Variants in CDS2 observed in about 807,000 individuals in gnomAD.
CDS2 encodes CDP-diacylglycerol synthase 2.
CDS2 carries 47 observed loss-of-function variants against 59.0 expected under a neutral mutation model. That is an observed-to-expected ratio of 0.80 (90% CI 0.63 to 1.02). The LOEUF (loss-of-function observed/expected upper bound fraction) is 1.02, where lower values mean the gene tolerates loss of function less well. Ranked by LOEUF, CDS2 falls within the 50% of genes least tolerant of loss-of-function variation. The pLI, the probability that CDS2 is intolerant of heterozygous loss-of-function variation, is 0.00. For synonymous variants in CDS2, 207 were observed against 206.4 expected, an observed-to-expected ratio of 1.00 and a Z score of -0.02; for missense variants, 356 against 558.9, an observed-to-expected ratio of 0.64 and a Z score of 3.66.
At chr20:5,135,191 C>G (rs1011011907) in intron 1 of CDS2, among the ~76,000 whole-genome samples, 1 of 152,162 alleles carries the variant, frequency 6.6e-6, no homozygotes, top group Non-Finnish European at 1.5e-5. Flanking sequence ...CTCGGCCTCT[C>G]AAAGGGCTGG....
At chr20:5,160,497 A>G (rs1253241618) in intron 1 of CDS2, among the ~76,000 whole-genome samples, 1 of 152,190 alleles carries the variant, frequency 6.6e-6, no homozygotes, top group Non-Finnish European at 1.5e-5. Context: ...ATTGTCCAGT[A>G]TAGTAGCCAC....
At chr20:5,178,619 G>GT (rs1465924281) in intron 4 of CDS2, among the ~76,000 whole-genome samples, 198 bp from the exon 5 acceptor site, 1 of 152,060 alleles carries the variant, frequency 6.6e-6, no homozygotes, top group African/African-American at 2.4e-5. Flanking sequence ...GCTGCTGTCT[G>GT]TTTCTAGATA....
chr20:5,136,159 C>A (rs1209920036), intron 1 of CDS2, among the ~76,000 whole-genome samples: 1 of 152,170 alleles, frequency 6.6e-6, no homozygotes, highest in Non-Finnish European at 1.5e-5. Context: ...AGCCATATCT[C>A]CACAGTCCAT....
chr20:5,178,322 A>G (rs983841867), intron 4 of CDS2, among the ~76,000 whole-genome samples: 1 of 152,252 alleles, frequency 6.6e-6, no homozygotes, highest in African/African-American at 2.4e-5. Flanking sequence ...AGTTTTATGA[A>G]TAAAATGGCA....
At chr20:5,156,248 G>C (rs1384270896) in intron 1 of CDS2, among the ~76,000 whole-genome samples, 1 of 152,166 alleles carries the variant, frequency 6.6e-6, no homozygotes, top group Non-Finnish European at 1.5e-5. Flanking sequence ...GAGGAGGTGT[G>C]TAGGGTAGGG....
At chr20:5,143,611 TTTC>T (rs573730329) in intron 1 of CDS2, among the ~76,000 whole-genome samples, 117 of 150,946 alleles carry the variant, frequency 7.8e-4, no homozygotes, top group African/African-American at 1.4e-3. Flanking sequence ...TCTTTTTCTT[TTTC>T]TTCTTCTTCT....
chr20:5,173,743 GGTCTTGCAGAGCAGGCCCGCT>G (rs1253679508), intron 2 of CDS2, 84 bp downstream of exon 2: 1 of 1,537,364 alleles, frequency 6.5e-7, no homozygotes, highest in Admixed American at 1.7e-5. Context: ...GAGAGCCCGT[GGTCTTGCAGAGCAGGCCCGCT>G]GTCTTGCCTC....
intron 1 of CDS2, among the ~76,000 whole-genome samples, chr20:5,151,677 G>C (rs2090790736): frequency 6.7e-6 from 1 of 148,826 alleles, no homozygotes; most frequent in Non-Finnish European, 1.5e-5. Context: ...GCCTCAAGCA[G>C]TCCTTCTGTC....
intron 1 of CDS2, among the ~76,000 whole-genome samples, chr20:5,158,942 T>C (rs2090854795): frequency 6.6e-6 from 1 of 152,224 alleles, no homozygotes; most frequent in Admixed American, 6.5e-5. Flanking sequence ...TCCTTCACGC[T>C]GTTATCTCAG....
chr20:5,176,616 T>C, intron 3 of CDS2, 32 bp from the exon 4 acceptor site: 2 of 1,525,584 alleles, frequency 1.3e-6, no homozygotes, highest in Non-Finnish European at 1.8e-6. Context: ...TCATAAGAAT[T>C]GGGGTGTCAG....
chr20:5,165,078 G>A (rs2090903897), intron 1 of CDS2, among the ~76,000 whole-genome samples: 1 of 152,194 alleles, frequency 6.6e-6, no homozygotes, highest in African/African-American at 2.4e-5. Flanking sequence ...GTATGAGACT[G>A]GCAGTCATGC....
chr20:5,171,336 G>A (rs2090954637), intron 1 of CDS2, among the ~76,000 whole-genome samples: 2 of 152,140 alleles, frequency 1.3e-5, no homozygotes, highest in African/African-American at 2.4e-5. Flanking sequence ...ACCTTGTGCC[G>A]GGCTTTCTGT....
At position 5,153,784 on chromosome 20, in the gene CDS2, A is replaced by G. The variant is rs530091543; in HGVS notation, c.58-19739A>G. On this transcript the variant is annotated intron_variant, in intron 1 of 12. Coordinates refer to ENST00000460006, the MANE Select transcript of CDS2 (RefSeq NM_003818.4). ...GTTTACAAGATTGATATTCATTATT[A>G]ATGTAGCTTTAGTGAGTTCCTGATC... Among the ~76,000 whole-genome samples the G allele has an allele frequency of 3.6e-4, 55 of 152,252 alleles. 1 individual carries two copies. The South Asian group carries it at 0.011, about 32-fold the overall frequency.
intron 9 of CDS2, 70 bp from the exon 10 acceptor site, chr20:5,186,617 C>T (rs2091069762): frequency 1.3e-6 from 2 of 1,552,410 alleles, no homozygotes; most frequent in South Asian, 1.2e-5. Flanking sequence ...ATGGCCAAAC[C>T]AGGTGCCTGT....
chr20:5,178,058 G>A (rs2091007121), intron 4 of CDS2, among the ~76,000 whole-genome samples: 1 of 152,208 alleles, frequency 6.6e-6, no homozygotes, highest in Non-Finnish European at 1.5e-5. Flanking sequence ...TCCTTGCTGG[G>A]GGTTTGCAGT....
chr20:5,152,540 G>A (rs536424083), intron 1 of CDS2, among the ~76,000 whole-genome samples: 2 of 152,224 alleles, frequency 1.3e-5, no homozygotes, highest in East Asian at 1.9e-4. Flanking sequence ...TCAGGAGTTC[G>A]AGACCAGCCT....
chr20:5,186,703 C>T lies in CDS2; in HGVS notation c.845C>T (p.Ser282Phe). The change falls in exon 10 of 13, where the codon TCC becomes TTC. Residue 282 changes from serine (S) to phenylalanine (F), a missense_variant. Transcript: ENST00000460006. The part of the protein sequence containing the change: ...VFGLLLSYVM[S>F]GYRCFVCPVE... ...CCTCCTCAGCTGTCCTATGTGATGT[C>T]CGGGTACAGATGCTTTGTCTGCCCT... The T allele has an allele frequency of 6.2e-7, 1 of 1,614,062 alleles. No individual in the cohort carries two copies. The highest frequency in any genetic ancestry group is 1.1e-5 in the South Asian group (1 of 91,078).
At chr20:5,149,092 C>T (rs1354634092) in intron 1 of CDS2, among the ~76,000 whole-genome samples, 1 of 152,034 alleles carries the variant, frequency 6.6e-6, no homozygotes, top group Non-Finnish European at 1.5e-5. Context: ...CTCACTATAG[C>T]CCTGACCTCC....
chr20:5,136,376 G>C (rs747811706), intron 1 of CDS2, among the ~76,000 whole-genome samples: 5 of 152,156 alleles, frequency 3.3e-5, no homozygotes, highest in Non-Finnish European at 5.9e-5. Context: ...CGTGCCCAGG[G>C]CAGGATGCAG....
Sources: allele counts gnomAD v4.1 joint callset (sites outside exome capture counted in the v4.1 genomes callset), GRCh38; gene constraint gnomAD v4.1.1; transcripts MANE v1.5; gene names NCBI Gene and HGNC (gene_info 2026-07-23, HGNC 2026-07-21).